The following DNAH11 variants were observed in gnomAD, a reference collection of about 807,000 sequenced individuals.
DNAH11 encodes the protein dynein axonemal heavy chain 11.
Under a neutral mutation model 526.0 loss-of-function variants are expected in DNAH11, and 442 were observed. The observed-to-expected ratio is 0.84, with a 90% CI of 0.78 to 0.91. The LOEUF (loss-of-function observed/expected upper bound fraction) is 0.91, where lower values mean the gene tolerates loss of function less well. Ranked by LOEUF, DNAH11 falls within the 40% of genes least tolerant of loss-of-function variation. The pLI, the probability that DNAH11 is intolerant of heterozygous loss-of-function variation, is 0.00. For missense variants in DNAH11, 6,989 were observed against 5,448.7 expected (o/e 1.28, Z -8.90); for synonymous variants, 2,461 against 1,935.9 (o/e 1.27, Z -7.12).
At chr7:21,685,078 C>T (rs765430538) in intron 32 of DNAH11, among the ~76,000 whole-genome samples, 24 of 152,268 alleles carry the variant, frequency 1.6e-4, no homozygotes, top group African/African-American at 4.3e-4. Flanking sequence ...CTCATAATCG[C>T]GACATTTGTG....
rs756855259 is a variant in DNAH11 at position 21,807,933 on chromosome 7, A to G, written c.10216A>G (p.Thr3406Ala). ...SIKSFEAQEKTLCGDVLLTAA... is the reference protein window; with the variant it reads ...SIKSFEAQEKALCGDVLLTAA... Reference sequence around the variant, plus strand: ...TAAGTCCTTTGAAGCTCAAGAGAAGACACTCTGTGGAGATGTTCTTCTCAC... The same window carrying G: ...TAAGTCCTTTGAAGCTCAAGAGAAGGCACTCTGTGGAGATGTTCTTCTCAC... The change falls in exon 63 of 82, where the codon ACA (threonine) becomes GCA (alanine). Residue 3406 changes from threonine (T) to alanine (A), a missense_variant. Transcript: ENST00000409508. The G allele has an allele frequency of 6.2e-7, 1 of 1,609,272 alleles. No individual in the cohort carries two copies. Among genetic ancestry groups the G allele is most frequent in the Non-Finnish European group, 8.5e-7 (1 of 1,176,600 alleles).
At chr7:21,772,912 G>A (rs17145350) in intron 55 of DNAH11, among the ~76,000 whole-genome samples, 1,829 of 152,256 alleles carry the variant, frequency 0.012, 39 homozygotes, top group African/African-American at 0.042. Context: ...CCAGCCACGT[G>A]TGTGCAATTT....
intron 63 of DNAH11, among the ~76,000 whole-genome samples, chr7:21,809,091 T>C (rs768701128): frequency 2.0e-5 from 3 of 152,250 alleles, no homozygotes; most frequent in South Asian, 2.1e-4. Flanking sequence ...GGTGAAATTA[T>C]ATCTCACTGT....
chr7:21,566,604 G>GAA (rs11286266), intron 6 of DNAH11, among the ~76,000 whole-genome samples: 1 of 145,748 alleles, frequency 6.9e-6, no homozygotes, highest in African/African-American at 2.5e-5. Context: ...ATTTTATAAT[G>GAA]AAAAAAAAAA....
intron 63 of DNAH11, among the ~76,000 whole-genome samples, chr7:21,811,560 G>A (rs553213354): frequency 3.3e-5 from 5 of 152,154 alleles, no homozygotes; most frequent in Non-Finnish European, 7.3e-5. Context: ...GTTACCAGGG[G>A]CTGGCAGAGG....
intron 6 of DNAH11, among the ~76,000 whole-genome samples, chr7:21,566,078 C>G (rs1783655500): frequency 6.6e-6 from 1 of 152,108 alleles, no homozygotes; most frequent in Non-Finnish European, 1.5e-5. Flanking sequence ...TTTTTAGGGA[C>G]CTATTTCTCA....
chr7:21,858,259 C>G (rs573214800), intron 68 of DNAH11, among the ~76,000 whole-genome samples: 1 of 152,166 alleles, frequency 6.6e-6, no homozygotes, highest in Non-Finnish European at 1.5e-5. Context: ...GGTACTACAG[C>G]TCTCTCACAT....
chr7:21,674,023 T>C (rs1782751772), intron 30 of DNAH11, among the ~76,000 whole-genome samples: 3 of 119,688 alleles, frequency 2.5e-5, no homozygotes, highest in South Asian at 2.9e-4. Flanking sequence ...CTATTCTGTT[T>C]TGTTTTGTGT....
At chr7:21,607,404 C>T (rs1321940209) in intron 20 of DNAH11, among the ~76,000 whole-genome samples, 1 of 152,138 alleles carries the variant, frequency 6.6e-6, no homozygotes, top group African/African-American at 2.4e-5. Flanking sequence ...GCATCACCCT[C>T]ACAGACACAC....
intron 35 of DNAH11, among the ~76,000 whole-genome samples, chr7:21,697,139 T>C (rs1783891863): frequency 1.3e-5 from 2 of 152,184 alleles, no homozygotes; most frequent in Admixed American, 1.3e-4. Flanking sequence ...AGGTAGGTAT[T>C]ATTGGAATGT....
At chr7:21,823,739 G>A (rs2128003769) in intron 65 of DNAH11, among the ~76,000 whole-genome samples, 1 of 152,140 alleles carries the variant, frequency 6.6e-6, no homozygotes, top group African/African-American at 2.4e-5. Flanking sequence ...CTGTTACTAG[G>A]TGGATTAAGT....
At chr7:21,823,125 G>A (rs1002600416) in intron 65 of DNAH11, among the ~76,000 whole-genome samples, 4 of 151,904 alleles carry the variant, frequency 2.6e-5, no homozygotes, top group African/African-American at 9.7e-5. Flanking sequence ...TGTTTAGCTT[G>A]ATGTAATCCC....
rs1392768713 is a variant in DNAH11, at chr7:21,863,080, GA to G, written c.11373+1062del. Among the ~76,000 whole-genome samples, 110 of 39,100 alleles carry G rather than the reference GA, an allele frequency of 2.8e-3. 2 individuals are homozygous for G. The highest frequency in any genetic ancestry group is 0.015 in the South Asian group (24 of 1,648). The allele number at this position is 39,100 out of a possible 152,430, so 25.7% of individuals were successfully genotyped here. On this transcript the variant is annotated intron_variant, in intron 69 of 81. Coordinates refer to ENST00000409508, the MANE Select transcript of DNAH11 (RefSeq NM_001277115.2). ...CTCCGTCTCAAAAAAAAAAAAAAAA[GA>G]AAAAGAAAAGAAAAAGCGTTCGTGA... is the stretch of plus-strand genomic sequence containing the variant.
chr7:21,661,730 A>C (rs1030597933), intron 30 of DNAH11, among the ~76,000 whole-genome samples: 3 of 152,146 alleles, frequency 2.0e-5, no homozygotes, highest in African/African-American at 4.8e-5. Flanking sequence ...TAGCTACTCT[A>C]TGCCTTAGTT....
intron 65 of DNAH11, among the ~76,000 whole-genome samples, chr7:21,833,234 A>C (rs1781857594): frequency 6.6e-6 from 1 of 152,256 alleles, no homozygotes; most frequent in Admixed American, 6.5e-5. Flanking sequence ...TGGTTGAAAC[A>C]TGAAGTTCAT....
At chr7:21,771,067 CAG>C (rs1269402364) in intron 55 of DNAH11, among the ~76,000 whole-genome samples, 5 of 152,266 alleles carry the variant, frequency 3.3e-5, no homozygotes, top group East Asian at 3.9e-4. Flanking sequence ...AAATTTAACA[CAG>C]AAATAATTTC....
intron 65 of DNAH11, among the ~76,000 whole-genome samples, chr7:21,824,124 C>A (rs913460421): frequency 2.0e-5 from 3 of 152,012 alleles, no homozygotes; most frequent in African/African-American, 7.2e-5. Flanking sequence ...TGAGAAGAGG[C>A]AGAAAAAATG....
At chr7:21,546,560 CTT>C (rs1293860073) in intron 2 of DNAH11, among the ~76,000 whole-genome samples, 1 of 152,192 alleles carries the variant, frequency 6.6e-6, no homozygotes, top group Non-Finnish European at 1.5e-5. Context: ...TTTCTCTACT[CTT>C]TCTCTCAGTA....
chr7:21,703,046 A>G (rs1361214880), intron 37 of DNAH11, among the ~76,000 whole-genome samples: 1 of 152,244 alleles, frequency 6.6e-6, no homozygotes, highest in African/African-American at 2.4e-5. Flanking sequence ...AGCCACAAAA[A>G]GTATTTTGAC....
Sources: allele counts gnomAD v4.1 joint callset (sites outside exome capture counted in the v4.1 genomes callset), GRCh38; gene constraint gnomAD v4.1.1; transcripts MANE v1.5; gene names NCBI Gene and HGNC (gene_info 2026-07-23, HGNC 2026-07-21).